The following KIF6 variants were observed in gnomAD, a reference collection of about 807,000 sequenced individuals.
KIF6 encodes the protein kinesin family member 6, also known as kinesin-like protein KIF6.
KIF6 carries 106 observed loss-of-function variants against 112.7 expected under a neutral mutation model. That is an observed-to-expected ratio of 0.94 (90% confidence interval 0.80 to 1.11). The LOEUF (loss-of-function observed/expected upper bound fraction) is 1.11. Among genes scored for constraint, KIF6 ranks in the 50% least tolerant of loss-of-function variants. The probability of loss-of-function intolerance (pLI) is 0.00; values close to 1 mark genes in which losing one functional copy is unlikely to be tolerated. For synonymous variants in KIF6, 339 were observed against 339.9 expected (o/e 1.00, Z 0.03); for missense variants, 929 against 964.0 (o/e 0.96, Z 0.48).
At chr6:39,637,973 AT>A (rs1013055008) in intron 4 of KIF6, among the ~76,000 whole-genome samples, 1 of 152,094 alleles carries the variant, frequency 6.6e-6, no homozygotes, top group African/African-American at 2.4e-5. Flanking sequence ...ACATTTAGAC[AT>A]TTGGATCTAT....
chr6:39,523,015 A>G (rs1777482895), intron 13 of KIF6, among the ~76,000 whole-genome samples: 1 of 152,192 alleles, frequency 6.6e-6, no homozygotes, highest in Admixed American at 6.5e-5. Flanking sequence ...AAAGCTATAC[A>G]TTCGTTTGCA....
intron 13 of KIF6, among the ~76,000 whole-genome samples, chr6:39,522,259 T>A (rs1247336992): frequency 6.6e-6 from 1 of 152,072 alleles, no homozygotes; most frequent in African/African-American, 2.4e-5. Flanking sequence ...TAAAAACTAT[T>A]CCTCCGTTGA....
At chr6:39,444,611 G>C (rs1292033704) in intron 13 of KIF6, among the ~76,000 whole-genome samples, 1 of 152,032 alleles carries the variant, frequency 6.6e-6, no homozygotes, top group Non-Finnish European at 1.5e-5. Flanking sequence ...CTGTGCATTA[G>C]AGCCCCAGAT....
At position 39,614,561 on chromosome 6, in the gene KIF6, A is replaced by G. The variant is rs1482754155; in HGVS notation, c.510-1243T>C. 2.6e-5 allele frequency among the ~76,000 whole-genome samples: 4 copies of G among 152,230 alleles called. No individual in the cohort carries two copies. The East Asian group carries it at 7.7e-4, about 29-fold the overall frequency. ...CACTTAAAATCCTAATGGCAGGAAG[A>G]AAATGTAGCTCTACCAGCACATCTG... On this transcript the variant is annotated intron_variant, in intron 5 of 22. Coordinates refer to ENST00000287152, the MANE Select transcript of KIF6 (RefSeq NM_145027.6).
At chr6:39,366,360 C>T (rs1432729678) in intron 16 of KIF6, among the ~76,000 whole-genome samples, 1 of 152,210 alleles carries the variant, frequency 6.6e-6, no homozygotes, top group African/African-American at 2.4e-5. Context: ...TCTAGTCACT[C>T]ATCCGCTTAT....
rs140593692 is a variant in KIF6, at chr6:39,646,234, T to A, written c.252-6477A>T. ...CTAAATGAAAGTAATCAACAACAAATCATTATTGTAGTAATAATTTAGTTC... is the reference window on the plus strand; with the variant it reads ...CTAAATGAAAGTAATCAACAACAAAACATTATTGTAGTAATAATTTAGTTC... On this transcript the variant is annotated intron_variant, in intron 3 of 22. Coordinates refer to ENST00000287152, the MANE Select transcript of KIF6 (RefSeq NM_145027.6). Among the ~76,000 whole-genome samples the A allele has an allele frequency of 7.7e-3, 1,157 of 150,468 alleles. 19 individuals carry two copies. The highest frequency in any genetic ancestry group is 0.027 in the African/African-American group (1,102 of 40,828).
intron 13 of KIF6, among the ~76,000 whole-genome samples, chr6:39,455,280 G>A (rs1181671612): frequency 1.3e-5 from 2 of 151,492 alleles, no homozygotes; most frequent in Non-Finnish European, 2.9e-5. Context: ...CACACTGCAG[G>A]GTATTCCAAC....
intron 3 of KIF6, among the ~76,000 whole-genome samples, chr6:39,657,567 A>G (rs759645742): frequency 6.6e-6 from 1 of 152,254 alleles, no homozygotes; most frequent in Non-Finnish European, 1.5e-5. Context: ...ACACAATTAC[A>G]TAATTGTTTC....
rs554245314 is a variant in KIF6 at position 39,494,730 on chromosome 6, T to A, written c.1645+45273A>T. ...AGGAAAAAAAATCAAGATAAATGAA[T>A]GGTTAGGTATTCCCACTATTTTAAC... On this transcript the variant is annotated intron_variant, in intron 13 of 22. Coordinates refer to ENST00000287152, the MANE Select transcript of KIF6 (RefSeq NM_145027.6). Among the ~76,000 whole-genome samples, 10 of 152,300 alleles carry A rather than the reference T, an allele frequency of 6.6e-5. No individual in the cohort carries two copies. The South Asian group carries it at 2.1e-3, about 32-fold the overall frequency.
intron 1 of KIF6, among the ~76,000 whole-genome samples, chr6:39,721,109 A>C (rs892811321): frequency 6.6e-6 from 1 of 152,220 alleles, no homozygotes; most frequent in Non-Finnish European, 1.5e-5. Flanking sequence ...TGAGAAACTA[A>C]TAGCCTGAAA....
rs1474620030 is a variant in KIF6 at position 39,419,970 on chromosome 6, TA to T, written c.1787del (p.Ile596LysfsTer11). 7 of 1,613,512 alleles carry T rather than the reference TA, an allele frequency of 4.3e-6. No homozygotes were observed. Among genetic ancestry groups the T allele is most frequent in the Non-Finnish European group, 5.1e-6 (6 of 1,179,522 alleles). Reference sequence around the variant, plus strand: ...TACCAATTTTACTTCTTGCTTCATTTATACTTTCTCCCAGGGCCTTGGCTTC... The same window carrying T: ...TACCAATTTTACTTCTTGCTTCATTTTACTTTCTCCCAGGGCCTTGGCTTC... ...FSEAKALGES[I>X]NEARSKIGHL... On this transcript the variant is annotated frameshift_variant, in exon 15 of 23. Transcript: ENST00000287152. LOFTEE classifies it high-confidence loss of function.
chr6:39,534,280 T>G (rs1778270445), intron 13 of KIF6, among the ~76,000 whole-genome samples: 1 of 152,100 alleles, frequency 6.6e-6, no homozygotes, highest in South Asian at 2.1e-4. Flanking sequence ...CAGGAGGAAA[T>G]TCAAACCAAA....
chr6:39,586,525 C>G, intron 7 of KIF6, 121 bp from the exon 8 acceptor site: 5 of 727,674 alleles, frequency 6.9e-6, no homozygotes, highest in Non-Finnish European at 9.5e-6. Context: ...CACGGTGAAG[C>G]CCAAAACTTA....
intron 3 of KIF6, among the ~76,000 whole-genome samples, chr6:39,685,647 C>T (rs114924052): frequency 0.01 from 1,531 of 152,310 alleles, 26 homozygotes; most frequent in African/African-American, 0.034. Context: ...TTCAGCAGCC[C>T]AGCCATAGAG....
chr6:39,593,326 A>G (rs188735168), intron 7 of KIF6, among the ~76,000 whole-genome samples: 33 of 152,292 alleles, frequency 2.2e-4, no homozygotes, highest in Non-Finnish European at 2.1e-4. Context: ...TTCATTAAAC[A>G]TCTTCCCACT....
intron 13 of KIF6, among the ~76,000 whole-genome samples, chr6:39,446,290 T>C (rs139599625): frequency 1.9e-3 from 289 of 152,318 alleles, no homozygotes; most frequent in African/African-American, 6.4e-3. Context: ...ATTTTAGAAC[T>C]ATCCAATGCC....
At chr6:39,652,679 A>G (rs1197788835) in intron 3 of KIF6, among the ~76,000 whole-genome samples, 1 of 152,120 alleles carries the variant, frequency 6.6e-6, no homozygotes, top group East Asian at 1.9e-4. Flanking sequence ...TTTTAGACAT[A>G]TTCTTCCTCT....
chr6:39,497,726 C>T (rs1025353707), intron 13 of KIF6, among the ~76,000 whole-genome samples: 1 of 152,146 alleles, frequency 6.6e-6, no homozygotes, highest in Non-Finnish European at 1.5e-5. Flanking sequence ...ATCATCCCTC[C>T]CCCCATCACG....
intron 10 of KIF6, among the ~76,000 whole-genome samples, chr6:39,549,964 G>C (rs769894469): frequency 6.6e-6 from 1 of 152,124 alleles, no homozygotes; most frequent in South Asian, 2.1e-4. Context: ...AAAGGCATGA[G>C]GGAAGGGAGA....
Sources: allele counts gnomAD v4.1 joint callset (sites outside exome capture counted in the v4.1 genomes callset), GRCh38; gene constraint gnomAD v4.1.1; transcripts MANE v1.5; gene names NCBI Gene and HGNC (gene_info 2026-07-23, HGNC 2026-07-21).